Variants in CFTR observed in about 807,000 individuals in gnomAD.
The protein encoded by CFTR is CF transmembrane conductance regulator, also known as cystic fibrosis transmembrane conductance regulator.
A neutral mutation model predicts 171.6 loss-of-function variants in CFTR; 181 were observed. The ratio of observed to expected loss-of-function variants is 1.05; its 90% CI spans 0.93 to 1.19. The LOEUF is 1.19. Among genes scored for constraint, CFTR ranks in the 50% most tolerant of loss-of-function variants. CFTR has a pLI of 0.00. For missense variants in CFTR, 1,968 were observed against 1,734.7 expected (o/e 1.13, Z -2.39); for synonymous variants, 583 against 608.0 (o/e 0.96, Z 0.60).
chr7:117,616,496 A>G (rs2116101274), intron 21 of CFTR, among the ~76,000 whole-genome samples: 1 of 152,194 alleles, frequency 6.6e-6, no homozygotes, highest in Middle Eastern at 3.4e-3. Flanking sequence ...GGGTGTGTAC[A>G]ATTCCTTTGT....
intron 2 of CFTR, among the ~76,000 whole-genome samples, chr7:117,506,154 G>A (rs1482820247): frequency 5.3e-5 from 8 of 152,132 alleles, no homozygotes; most frequent in Admixed American, 5.2e-4. Flanking sequence ...TAGCATTGCT[G>A]GAGAGATAAA....
At chr7:117,553,395 C>A (rs763665451) in intron 10 of CFTR, among the ~76,000 whole-genome samples, 1 of 152,098 alleles carries the variant, frequency 6.6e-6, no homozygotes, top group African/African-American at 2.4e-5. Context: ...ATATACATAT[C>A]ATTTAGCACA....
At chr7:117,495,951 G>A (rs1302166681) in intron 1 of CFTR, among the ~76,000 whole-genome samples, 1 of 152,104 alleles carries the variant, frequency 6.6e-6, no homozygotes, top group Non-Finnish European at 1.5e-5. Flanking sequence ...TCAAAGAGTT[G>A]CCTATCACCA....
chr7:117,581,233 C>G (rs1013724863), intron 11 of CFTR, among the ~76,000 whole-genome samples: 2 of 152,136 alleles, frequency 1.3e-5, no homozygotes, highest in African/African-American at 2.4e-5. Flanking sequence ...TACATACATA[C>G]CAACTTCAAC....
intron 21 of CFTR, 107 bp from the exon 22 acceptor site, chr7:117,627,415 C>A (rs1792667169): frequency 1.7e-6 from 2 of 1,154,812 alleles, no homozygotes; most frequent in Non-Finnish European, 2.5e-6. Context: ...AACCAAGTGA[C>A]AAATAGCAAG....
chr7:117,506,442 C>T (rs190534508), intron 2 of CFTR, among the ~76,000 whole-genome samples: 2 of 152,102 alleles, frequency 1.3e-5, no homozygotes, highest in East Asian at 1.9e-4. Flanking sequence ...TGTGGAGTTT[C>T]GCCATGTTGG....
chr7:117,488,492 T>C (rs35821559), intron 1 of CFTR, among the ~76,000 whole-genome samples: 2,239 of 152,206 alleles, frequency 0.015, 55 homozygotes, highest in African/African-American at 0.051. Flanking sequence ...GACTTATAAG[T>C]CTCTGTTGAC....
At chr7:117,538,136 A>G (rs892508260) in intron 7 of CFTR, among the ~76,000 whole-genome samples, 1 of 152,184 alleles carries the variant, frequency 6.6e-6, no homozygotes, top group Non-Finnish European at 1.5e-5. Context: ...GTCACTCGAA[A>G]AGGCTAGAAG....
chr7:117,562,153 T>A (rs975444910), intron 11 of CFTR, among the ~76,000 whole-genome samples: 1 of 152,186 alleles, frequency 6.6e-6, no homozygotes, highest in Non-Finnish European at 1.5e-5. Flanking sequence ...TAAAGAAAAC[T>A]GTTAGAAATA....
intron 21 of CFTR, among the ~76,000 whole-genome samples, chr7:117,620,074 ATT>A (rs3840654): frequency 2.7e-5 from 4 of 149,510 alleles, no homozygotes; most frequent in East Asian, 2.0e-4. Context: ...CATTTCTTCA[ATT>A]TTTTTTTTTG....
At chr7:117,506,014 C>T (rs759656993) in intron 2 of CFTR, among the ~76,000 whole-genome samples, 4 of 151,872 alleles carry the variant, frequency 2.6e-5, no homozygotes, top group African/African-American at 4.8e-5. Context: ...TTATTGGGTT[C>T]GATCTCTTTT....
At chr7:117,553,017 A>G (rs997760495) in intron 10 of CFTR, among the ~76,000 whole-genome samples, 1 of 152,068 alleles carries the variant, frequency 6.6e-6, no homozygotes, top group African/African-American at 2.4e-5. Context: ...AGACCCTCAC[A>G]CCTTAGAGAG....
intron 15 of CFTR, among the ~76,000 whole-genome samples, chr7:117,601,868 A>G (rs1792230954): frequency 6.6e-6 from 1 of 151,886 alleles, no homozygotes; most frequent in African/African-American, 2.4e-5. Context: ...ACAGTTGTTT[A>G]AAAAGGTTTT....
intron 11 of CFTR, among the ~76,000 whole-genome samples, chr7:117,586,921 T>G (rs2116014893): frequency 6.6e-6 from 1 of 152,304 alleles, no homozygotes. Flanking sequence ...TGCCAATTAA[T>G]TGTGAACTGT....
At chr7:117,547,887 T>G (rs1799189033) in intron 9 of CFTR, among the ~76,000 whole-genome samples, 1 of 152,196 alleles carries the variant, frequency 6.6e-6, no homozygotes, top group Non-Finnish European at 1.5e-5. Context: ...CAGGTTAATT[T>G]TAGGAAAGAG....
At chr7:117,563,174 T>C (rs1184251955) in intron 11 of CFTR, among the ~76,000 whole-genome samples, 1 of 152,202 alleles carries the variant, frequency 6.6e-6, no homozygotes, top group African/African-American at 2.4e-5. Flanking sequence ...GAAAGTTACT[T>C]AACCTTGCTA....
intron 20 of CFTR, among the ~76,000 whole-genome samples, chr7:117,612,049 A>ATATATATATATATG (rs1792413775): frequency 1.4e-5 from 1 of 73,172 alleles, no homozygotes; most frequent in East Asian, 2.5e-4. Context: ...ATATATATAT[A>ATATATATATATATG]TATACATATA....
At chr7:117,521,040 A>G (rs1271111034) in intron 3 of CFTR, among the ~76,000 whole-genome samples, 1 of 151,910 alleles carries the variant, frequency 6.6e-6, no homozygotes, top group Non-Finnish European at 1.5e-5. Context: ...TGTCCCAATA[A>G]TGTTTTGTGA....
intron 11 of CFTR, among the ~76,000 whole-genome samples, chr7:117,586,855 G>T (rs1056263497): frequency 6.6e-6 from 1 of 152,014 alleles, no homozygotes; most frequent in African/African-American, 2.4e-5. Flanking sequence ...CCATCGGTTT[G>T]AAAGCCTCTA....
Sources: gnomAD v4.1 joint callset for allele counts (sites outside exome capture counted in the v4.1 genomes callset) on GRCh38, gnomAD v4.1.1 for gene constraint, MANE v1.5 for transcripts, NCBI Gene and HGNC (gene_info 2026-07-23, HGNC 2026-07-21) for gene names.